UBQLN4: variants seen among roughly 807,000 people sequenced by gnomAD.
UBQLN4 encodes the protein ubiquilin 4.
In UBQLN4, 11 loss-of-function variants were observed where a neutral mutation model predicts 60.4. The ratio of observed to expected loss-of-function variants is 0.18; its 90% CI spans 0.11 to 0.30. UBQLN4 has a LOEUF of 0.30. UBQLN4 is among the 10% of genes least tolerant of loss of function. UBQLN4 has a pLI of 1.00. For missense variants in UBQLN4, 417 were observed against 795.5 expected (o/e 0.52, Z 5.72); for synonymous variants, 258 against 313.1 (o/e 0.82, Z 1.86).
chr1:156,042,147 A>G lies in UBQLN4; in HGVS notation c.1350+6T>C, dbSNP rs1356862519. On this transcript the variant is annotated splice_donor_region_variant and intron_variant, in intron 8 of 10. Coordinates refer to ENST00000368309, the MANE Select transcript of UBQLN4 (RefSeq NM_020131.5). The stretch of plus-strand genomic sequence containing the variant: ...CAACCTCCACCCATCTAGGCTCCTC[A>G]CTCACCTGCTGCAGGAAGACTGGGA... 2.5e-6 allele frequency: 4 copies of G among 1,604,026 alleles called. No homozygotes were observed. In the Admixed American group the frequency reaches 7.0e-5, roughly 28 times the overall value.
downstream of UBQLN4, among the ~76,000 whole-genome samples, chr1:156,031,930 A>G (rs1312427863): frequency 6.9e-6 from 1 of 144,834 alleles, no homozygotes; most frequent in East Asian, 2.2e-4. Context: ...ATATATATAT[A>G]TACTCATGAA....
chr1:156,050,095 C>T lies in UBQLN4; in HGVS notation c.741+196G>A, dbSNP rs751844050. Among the ~76,000 whole-genome samples the T allele has an allele frequency of 3.9e-5, 6 of 152,178 alleles. No individual in the cohort carries two copies. Among genetic ancestry groups the T allele is most frequent in the Non-Finnish European group, 7.3e-5 (5 of 68,036 alleles). On this transcript the variant is annotated intron_variant, in intron 4 of 10. Coordinates refer to ENST00000368309, the MANE Select transcript of UBQLN4 (RefSeq NM_020131.5). This position sits in a 1 kb window ranked among gnomAD's most constrained non-coding sequence, Gnocchi z 4.6. Reference sequence around the variant, plus strand: ...AATGGCCACATTGTATTCTAATTGCCGGTTTACTTGTCCTACTTCCCTTTG... The same window carrying T: ...AATGGCCACATTGTATTCTAATTGCTGGTTTACTTGTCCTACTTCCCTTTG...
chr1:156,051,797 C>G lies in UBQLN4; in HGVS notation c.169G>C (p.Ala57Pro). Residue 57 changes from alanine (A) to proline (P), a missense_variant, in exon 2 of 11, where the codon GCA (alanine) becomes CCA (proline). Transcript: ENST00000368309. ...TCCCCATCCTTGAGGATCTTGCCTG[C>G]GAAGATCAGGACCAGCTGATCCTGC... Reference protein sequence around the residue: ...AQQDQLVLIFAGKILKDGDTL... With the variant: ...AQQDQLVLIFPGKILKDGDTL... The G allele has an allele frequency of 6.2e-7, 1 of 1,614,104 alleles. No individual in the cohort carries two copies.
chr1:156,039,205 A>T (rs1294090982), intron 10 of UBQLN4, among the ~76,000 whole-genome samples: 1 of 150,416 alleles, frequency 6.6e-6, no homozygotes, highest in Non-Finnish European at 1.5e-5. Flanking sequence ...GGCCTCCCAA[A>T]GCACTGGGAT....
chr1:156,034,294 T>C (rs902771842), downstream of UBQLN4, among the ~76,000 whole-genome samples: 12 of 100,214 alleles, frequency 1.2e-4, no homozygotes, highest in Admixed American at 2.9e-4. Context: ...GTTTTTGTTT[T>C]ACTTTTTTTT....
At chr1:156,053,499 CG>C in intron 1 of UBQLN4, 94 bp downstream of exon 1, 1 of 976,748 alleles carries the variant, frequency 1.0e-6, no homozygotes, top group Non-Finnish European at 1.3e-6. Context: ...CCCTCCTCTC[CG>C]GGGCCCTCCG....
downstream of UBQLN4, among the ~76,000 whole-genome samples, chr1:156,031,458 C>T (rs932997110): frequency 1.3e-5 from 2 of 152,152 alleles, no homozygotes; most frequent in Admixed American, 1.3e-4. Context: ...CTCAGTTTGG[C>T]TCAAGAGTTC....
At position 156,048,479 on chromosome 1, in the gene UBQLN4, C is replaced by G. The variant is rs139302121; in HGVS notation, c.900+22G>C. On this transcript the variant is annotated intron_variant, in intron 5 of 10. Coordinates refer to ENST00000368309, the MANE Select transcript of UBQLN4 (RefSeq NM_020131.5). This position sits in a 1 kb window ranked among gnomAD's most constrained non-coding sequence, Gnocchi z 4.9. The stretch of plus-strand genomic sequence containing the variant: ...TCTCGAGCCCAGACAGCCCAACCCA[C>G]TACCCTGGCCCTTGATCCCACCTGT... 3,149 of 1,596,236 alleles carry G rather than the reference C, an allele frequency of 2.0e-3. 3 individuals are homozygous for G. The highest frequency in any genetic ancestry group is 2.4e-3 in the Non-Finnish European group (2,810 of 1,166,200).
At chr1:156,052,105 G>A (rs1218276664) in intron 1 of UBQLN4, among the ~76,000 whole-genome samples, 1 of 152,082 alleles carries the variant, frequency 6.6e-6, no homozygotes, top group African/African-American at 2.4e-5. Context: ...AGCCCCTGCT[G>A]CTATCTGCCT....
Position 156,036,326 on chromosome 1 carries a change from C to T in UBQLN4, c.*652G>A. ...CACACGAATTTCCTCTGGGCTGCTC[C>T]AGCGTTTGTTAATTCCTGTCCAGAG... is the stretch of plus-strand genomic sequence containing the variant. On this transcript the variant is annotated 3_prime_UTR_variant, in exon 11 of 11. Coordinates refer to ENST00000368309, the MANE Select transcript of UBQLN4 (RefSeq NM_020131.5). The T allele has an allele frequency of 1.0e-6, 1 of 985,654 alleles. No individual in the cohort carries two copies. The highest frequency in any genetic ancestry group is 1.2e-6 in the Non-Finnish European group (1 of 830,012). The allele number at this position is 985,654 out of a possible 1,614,324, so 61.1% of individuals were successfully genotyped here. A position where few individuals can be genotyped will look rare whatever the true frequency, so the allele number is the denominator to read the frequency against.
chr1:156,040,455 T>C (rs1185755575), intron 10 of UBQLN4, among the ~76,000 whole-genome samples: 1 of 147,384 alleles, frequency 6.8e-6, no homozygotes, highest in Non-Finnish European at 1.5e-5. Context: ...TTTTTTTTTT[T>C]TTTTTTTTGA....
downstream of UBQLN4, among the ~76,000 whole-genome samples, chr1:156,031,710 CTGGGA>C (rs1646353280): frequency 6.6e-6 from 1 of 151,894 alleles, no homozygotes; most frequent in Non-Finnish European, 1.5e-5. Context: ...TCCCAAGTAG[CTGGGA>C]CTACCAGCGC....
chr1:156,032,718 T>C (rs149846226), downstream of UBQLN4, among the ~76,000 whole-genome samples: 118 of 152,216 alleles, frequency 7.8e-4, 1 homozygote, highest in African/African-American at 2.6e-3. Context: ...ATCTCCATGC[T>C]TCTCTGCGGC....
downstream of UBQLN4, among the ~76,000 whole-genome samples, chr1:156,035,142 T>C (rs1487419058): frequency 3.3e-5 from 5 of 152,032 alleles, no homozygotes; most frequent in East Asian, 9.7e-4. Flanking sequence ...GCCCAGGCTG[T>C]AGTGCAATGG....
At chr1:156,044,936 C>G (rs1279823225) in intron 5 of UBQLN4, among the ~76,000 whole-genome samples, 2 of 152,114 alleles carry the variant, frequency 1.3e-5, no homozygotes, top group African/African-American at 2.4e-5. Flanking sequence ...TACTTCTGGT[C>G]CCCCTTGCCC....
In UBQLN4 at chr1:156,051,151, C is replaced by A. The variant is rs753133370; in HGVS notation, c.437G>T (p.Gly146Val). The A allele has an allele frequency of 6.2e-7, 1 of 1,612,608 alleles. No individual in the cohort carries two copies. The highest frequency in any genetic ancestry group is 8.5e-7 in the Non-Finnish European group (1 of 1,179,302). ...AGCACTGGGGGATCCCTCCCCAGCC[C>A]CCGGAGAGGGCCCCCCACCACTGCT... ...RRSSGGGPSP[G>V]AGEGSPSATA... The change falls in exon 3 of 11, where the codon GGG becomes GTG. Residue 146 changes from glycine (G) to valine (V), a missense_variant. Transcript: ENST00000368309.
rs188806792 is a variant in UBQLN4 at position 156,041,895 on chromosome 1, G to C, written c.1443C>G (p.Thr481=). 6.2e-7 allele frequency: 1 copy of C among 1,613,410 alleles called. No homozygotes were observed. The highest frequency in any genetic ancestry group is 8.5e-7 in the Non-Finnish European group (1 of 1,179,842). Residue 481 remains threonine (T), a synonymous_variant, in exon 9 of 11, where the codon ACC becomes ACG. Transcript: ENST00000368309. ...ACCTGGGTACCAGCCCAGGGGCCTC[G>C]GTCTGCAAGGTCTGTAGTCCCTGCT... is the stretch of plus-strand genomic sequence containing the variant. ...QIQQGLQTLQ[T]EAPGLVPSLG...
chr1:156,043,558 G>A (rs1683622385), intron 6 of UBQLN4, among the ~76,000 whole-genome samples: 12 of 152,172 alleles, frequency 7.9e-5, no homozygotes, highest in Admixed American at 7.9e-4. Flanking sequence ...CATGTGTACA[G>A]TCATAGTCCA....
Position 156,036,887 on chromosome 1 carries a change from AG to A in UBQLN4, c.*90del. The A allele has an allele frequency of 3.2e-6, 5 of 1,546,986 alleles. No homozygotes were observed. Among genetic ancestry groups the A allele is most frequent in the Non-Finnish European group, 4.4e-6 (5 of 1,148,268 alleles). On this transcript the variant is annotated 3_prime_UTR_variant, in exon 11 of 11. Coordinates refer to ENST00000368309, the MANE Select transcript of UBQLN4 (RefSeq NM_020131.5). ...TGGAAAGGATGAGGGAGAAGACGGAAGGGAGGACAAGCTGCAGAGGGTAAGG... is the reference window on the plus strand; with the variant it reads ...TGGAAAGGATGAGGGAGAAGACGGAAGGAGGACAAGCTGCAGAGGGTAAGG...
Sources: gnomAD v4.1 joint callset for allele counts (sites outside exome capture counted in the v4.1 genomes callset) on GRCh38, gnomAD v4.1.1 for gene constraint, Gnocchi (gnomAD v3.1) non-coding constraint, MANE v1.5 for transcripts, NCBI Gene and HGNC (gene_info 2026-07-23, HGNC 2026-07-21) for gene names.